NET1: variants seen among roughly 807,000 people sequenced by gnomAD.
NET1 encodes neuroepithelial cell-transforming gene 1 protein.
NET1 carries 42 observed loss-of-function variants against 61.1 expected under a neutral mutation model. The ratio of observed to expected loss-of-function variants is 0.69; its 90% CI spans 0.54 to 0.89. NET1 has a LOEUF of 0.89. Ranked by LOEUF, NET1 falls within the 40% of genes least tolerant of loss-of-function variation. NET1 has a pLI of 0.00. For missense variants in NET1, 654 were observed against 747.3 expected (o/e 0.88, Z 1.46); for synonymous variants, 254 against 281.8 (o/e 0.90, Z 0.99).
chr10:5,434,214 C>G (rs1255533322), intron 3 of NET1, among the ~76,000 whole-genome samples: 1 of 152,170 alleles, frequency 6.6e-6, no homozygotes, highest in Non-Finnish European at 1.5e-5. Context: ...GTGTTGTGTT[C>G]ACAAGGTGAT....
Position 5,441,602 on chromosome 10 carries a change from C to G in NET1, c.256-10228C>G, listed in dbSNP as rs1210679137. On this transcript the variant is annotated intron_variant, in intron 3 of 11. Coordinates refer to ENST00000355029, the MANE Select transcript of NET1 (RefSeq NM_001047160.3). The surrounding 1 kb of genome is among the most constrained non-coding windows in gnomAD (Gnocchi z 4.6). ...CCATTTGATTGGCTATTTGTGTTGT[C>G]ATCGCACAAAAGAACCATTGTTTTG... Among the ~76,000 whole-genome samples, 3 of 152,234 alleles carry G rather than the reference C, an allele frequency of 2.0e-5. No homozygotes were observed. Among genetic ancestry groups the G allele is most frequent in the Non-Finnish European group, 4.4e-5 (3 of 68,040 alleles).
rs773199620 is a variant in NET1 at position 5,451,982 on chromosome 10, G to A, written c.363+45G>A. ...AGTAATGTAGTCAGCGGACTTTATA[G>A]AAGCCTGGAATTTGTAGTTGTCTTT... On this transcript the variant is annotated intron_variant, in intron 4 of 11. Transcript: ENST00000355029. The surrounding 1 kb of genome is among the most constrained non-coding windows in gnomAD (Gnocchi z 6.1). 1 of 1,415,890 alleles carries A rather than the reference G, an allele frequency of 7.1e-7. No homozygotes were observed. The highest frequency in any genetic ancestry group is 1.2e-5 in the South Asian group (1 of 85,192). 87.7% of individuals were successfully genotyped at this position (1,415,890 alleles called of 1,614,324 possible).
At position 5,452,456 on chromosome 10, in the gene NET1, A is replaced by G. The variant is rs756708986; in HGVS notation, c.462A>G (p.Ala154=). The part of the protein sequence containing the change: ...VPTPAKRRSS[A]LWSEMLDITM... ...CACCCGCCAAGAGAAGGAGCAGTGC[A>G]CTGTGGTCAGAGATGCTGGACATCA... The change falls in exon 5 of 12, where the codon GCA becomes GCG. Residue 154 remains alanine, a synonymous_variant. Transcript: ENST00000355029. This position sits in a 1 kb window ranked among gnomAD's most constrained non-coding sequence, Gnocchi z 4.0. 1.2e-6 allele frequency: 2 copies of G among 1,614,046 alleles called. No homozygotes were observed. Among genetic ancestry groups the G allele is most frequent in the African/African-American group, 2.7e-5 (2 of 74,922 alleles).
Position 5,429,220 on chromosome 10 carries a change from T to C in NET1, c.246T>C (p.Leu82=), listed in dbSNP as rs755516755. The part of the protein sequence containing the change: ...KDDDVVSLSS[L]DLKEPSNKRV... ...ATGATGTTGTAAGCCTTAGCAGCCT[T>C]GATCTGAAGGTAAGCCCTGCTGCCC... The change falls in exon 3 of 12, where the codon CTT becomes CTC. Residue 82 remains leucine, a synonymous_variant. Coordinates refer to ENST00000355029, the MANE Select transcript of NET1 (RefSeq NM_001047160.3). 8 of 1,607,864 alleles carry C rather than the reference T, an allele frequency of 5.0e-6. No individual in the cohort carries two copies. Among genetic ancestry groups the C allele is most frequent in the Non-Finnish European group, 6.8e-6 (8 of 1,176,700 alleles).
At position 5,444,390 on chromosome 10, in the gene NET1, T is replaced by C. The variant is rs1488757901; in HGVS notation, c.256-7440T>C. Among the ~76,000 whole-genome samples, 1 of 152,244 alleles carries C rather than the reference T, an allele frequency of 6.6e-6. No individual in the cohort carries two copies. Among genetic ancestry groups the C allele is most frequent in the Non-Finnish European group, 1.5e-5 (1 of 68,028 alleles). ...GCAAACCTTAGGCAATTACTTTTTA[T>C]AGATTATTTGTCTTTATAAATAGTC... On this transcript the variant is annotated intron_variant, in intron 3 of 11. Coordinates refer to ENST00000355029, the MANE Select transcript of NET1 (RefSeq NM_001047160.3). This position sits in a 1 kb window ranked among gnomAD's most constrained non-coding sequence, Gnocchi z 5.3.
At chr10:5,430,003 A>G (rs1832322914) in intron 3 of NET1, among the ~76,000 whole-genome samples, 2 of 152,078 alleles carry the variant, frequency 1.3e-5, no homozygotes, top group African/African-American at 4.8e-5. Flanking sequence ...TTAAATTTTT[A>G]TAATCTGCTC....
Position 5,454,591 on chromosome 10 carries a change from T to C in NET1, c.1026+69T>C, listed in dbSNP as rs1464015120. 6.6e-7 allele frequency: 1 copy of C among 1,515,496 alleles called. No homozygotes were observed. Among genetic ancestry groups the C allele is most frequent in the Admixed American group, 2.1e-5 (1 of 48,596 alleles). The allele number at this position is 1,515,496 out of a possible 1,614,324, so 93.9% of individuals were successfully genotyped here. A position where few individuals can be genotyped will look rare whatever the true frequency, so the allele number is the denominator to read the frequency against. On this transcript the variant is annotated intron_variant, in intron 9 of 11. Transcript: ENST00000355029. The surrounding 1 kb of genome is among the most constrained non-coding windows in gnomAD (Gnocchi z 8.1). ...CATTAGGCTGCTTTAGAACGTTATC[T>C]TCTGAAGATGCTGATTCACATCAGC... is the stretch of plus-strand genomic sequence containing the variant.
intron 3 of NET1, among the ~76,000 whole-genome samples, chr10:5,434,646 G>A (rs1272061978): frequency 6.6e-6 from 1 of 151,386 alleles, no homozygotes; most frequent in Non-Finnish European, 1.5e-5. Context: ...CATATTTTGA[G>A]GTTTAAGGGG....
Position 5,423,872 on chromosome 10 carries a change from C to T in NET1, c.129-2783C>T, listed in dbSNP as rs1832219153. ...CACTGTCTCACATCCTTTGTGGGCA[C>T]GGTTTGTTTTTTGGGTTCCTTTTTT... On this transcript the variant is annotated intron_variant, in intron 1 of 11. Transcript: ENST00000355029. This position sits in a 1 kb window ranked among gnomAD's most constrained non-coding sequence, Gnocchi z 4.4. Among the ~76,000 whole-genome samples the T allele has an allele frequency of 6.6e-6, 1 of 152,020 alleles. No individual in the cohort carries two copies. The highest frequency in any genetic ancestry group is 2.1e-4 in the South Asian group (1 of 4,828).
At chr10:5,433,642 C>T (rs1003609450) in intron 3 of NET1, among the ~76,000 whole-genome samples, 2 of 152,142 alleles carry the variant, frequency 1.3e-5, no homozygotes, top group African/African-American at 2.4e-5. Flanking sequence ...TATTTTACTC[C>T]ATTGTGTTCT....
Position 5,435,684 on chromosome 10 carries a change from G to A in NET1, c.255+6455G>A, listed in dbSNP as rs964895671. Among the ~76,000 whole-genome samples, 1 of 152,078 alleles carries A rather than the reference G, an allele frequency of 6.6e-6. No homozygotes were observed. Among genetic ancestry groups the A allele is most frequent in the Non-Finnish European group, 1.5e-5 (1 of 68,004 alleles). Reference sequence around the variant, plus strand: ...ACATGATCATTGTATTACGTATTTGGACTTTGGATATCTTATATGAAGAAT... The same window carrying A: ...ACATGATCATTGTATTACGTATTTGAACTTTGGATATCTTATATGAAGAAT... On this transcript the variant is annotated intron_variant, in intron 3 of 11. Coordinates refer to ENST00000355029, the MANE Select transcript of NET1 (RefSeq NM_001047160.3). The surrounding 1 kb of genome is among the most constrained non-coding windows in gnomAD (Gnocchi z 5.0).
chr10:5,418,821 T>C (rs1412178585), intron 1 of NET1, among the ~76,000 whole-genome samples: 1 of 152,220 alleles, frequency 6.6e-6, no homozygotes, highest in African/African-American at 2.4e-5. Flanking sequence ...AATTTCCCTC[T>C]GAGCATTGCT....
Position 5,426,685 on chromosome 10 carries a change from A to G in NET1, c.159A>G (p.Thr53=). ...RCSLRRGSSF[T]FLTPGPNWDF... is the part of the protein sequence containing the mutation. ...CCCTTCGGAGAGGCAGCTCCTTCAC[A>G]TTCTTAACACCTGGCCCCAACTGGG... The change falls in exon 2 of 12, where the codon ACA becomes ACG. Residue 53 remains threonine (T), a synonymous_variant. Coordinates refer to ENST00000355029, the MANE Select transcript of NET1 (RefSeq NM_001047160.3). The surrounding 1 kb of genome is among the most constrained non-coding windows in gnomAD (Gnocchi z 4.6). 3.1e-6 allele frequency: 5 copies of G among 1,606,718 alleles called. No homozygotes were observed. The highest frequency in any genetic ancestry group is 4.2e-6 in the Non-Finnish European group (5 of 1,177,144).
In NET1 at chr10:5,454,274, T is replaced by C; in HGVS notation, c.778T>C (p.Leu260=). ...TTTTATTACTCTTCAGTTACCGCGC[T>C]TGAATGCCTACAGAGGTTACTGTAG... ...GHILVSWLPR[L]NAYRGYCSNQ... is the part of the protein sequence containing the mutation. Residue 260 remains leucine, a synonymous_variant, in exon 9 of 12, where the codon TTG becomes CTG. Coordinates refer to ENST00000355029, the MANE Select transcript of NET1 (RefSeq NM_001047160.3). The surrounding 1 kb of genome is among the most constrained non-coding windows in gnomAD (Gnocchi z 8.1). 1.2e-6 allele frequency: 2 copies of C among 1,611,842 alleles called. No homozygotes were observed. Among genetic ancestry groups the C allele is most frequent in the African/African-American group, 1.3e-5 (1 of 74,742 alleles).
rs1389722237 is a variant in NET1, at chr10:5,448,783, A to G, written c.256-3047A>G. 2.6e-5 allele frequency among the ~76,000 whole-genome samples: 4 copies of G among 151,890 alleles called. No homozygotes were observed. The South Asian group carries it at 6.2e-4, about 24-fold the overall frequency. On this transcript the variant is annotated intron_variant, in intron 3 of 11. Transcript: ENST00000355029. ...AGGACTCCAAAGTAAAAAATAAACA[A>G]TCCTAGCAGTGGAACTATGGGTGCC...
chr10:5,418,687 G>A (rs769242748), intron 1 of NET1, among the ~76,000 whole-genome samples: 13 of 151,980 alleles, frequency 8.6e-5, no homozygotes, highest in Non-Finnish European at 1.6e-4. Context: ...TTAGTAATCT[G>A]AGTAATCTGC....
In NET1 at chr10:5,426,225, T is replaced by A. The variant is rs1672152718; in HGVS notation, c.129-430T>A. On this transcript the variant is annotated intron_variant, in intron 1 of 11. Transcript: ENST00000355029. This position sits in a 1 kb window ranked among gnomAD's most constrained non-coding sequence, Gnocchi z 4.6. The stretch of plus-strand genomic sequence containing the variant: ...ATGCAGATAATGTGAAGTTAGGTTT[T>A]GTTAAGAGTATCCTTTTATTTTTGT... 6.6e-6 allele frequency among the ~76,000 whole-genome samples: 1 copy of A among 152,210 alleles called. No homozygotes were observed. The highest frequency in any genetic ancestry group is 2.4e-5 in the African/African-American group (1 of 41,472).
In NET1 at chr10:5,447,690, C is replaced by T. The variant is rs1832638105; in HGVS notation, c.256-4140C>T. ...CCAGCAAAGTTGCTTGTCATGTGTACACATACACACACCTTTTGGTAGTTA... is the reference window on the plus strand; with the variant it reads ...CCAGCAAAGTTGCTTGTCATGTGTATACATACACACACCTTTTGGTAGTTA... On this transcript the variant is annotated intron_variant, in intron 3 of 11. Transcript: ENST00000355029. This position sits in a 1 kb window ranked among gnomAD's most constrained non-coding sequence, Gnocchi z 4.1. 6.6e-6 allele frequency among the ~76,000 whole-genome samples: 1 copy of T among 152,210 alleles called. No individual in the cohort carries two copies. The highest frequency in any genetic ancestry group is 1.5e-5 in the Non-Finnish European group (1 of 68,044).
chr10:5,442,248 G>A (rs915201231), intron 3 of NET1, among the ~76,000 whole-genome samples: 4 of 152,126 alleles, frequency 2.6e-5, no homozygotes, highest in South Asian at 4.1e-4. Context: ...ACAATATCTC[G>A]TGTAGAGGGC....
Sources: gnomAD v4.1 joint callset for allele counts (sites outside exome capture counted in the v4.1 genomes callset) on GRCh38, gnomAD v4.1.1 for gene constraint, Gnocchi (gnomAD v3.1) non-coding constraint, MANE v1.5 for transcripts, NCBI Gene and HGNC (gene_info 2026-07-23, HGNC 2026-07-21) for gene names.